The following ZZEF1 variants were observed in gnomAD, a reference collection of about 807,000 sequenced individuals.
ZZEF1 encodes zinc finger ZZ-type and EF-hand domain containing 1.
ZZEF1 carries 157 observed loss-of-function variants against 342.8 expected under a neutral mutation model. The ratio of observed to expected loss-of-function variants is 0.46; its 90% CI spans 0.40 to 0.52. The LOEUF is 0.52. ZZEF1 is among the 20% of genes least tolerant of loss of function. The pLI is 0.00. For missense variants in ZZEF1, 3,480 were observed against 3,725.6 expected (o/e 0.93, Z 1.72); for synonymous variants, 1,505 against 1,429.1 (o/e 1.05, Z -1.20).
intron 12 of ZZEF1, 139 bp downstream of exon 12, chr17:4,090,580 C>G: frequency 1.5e-6 from 1 of 665,106 alleles, no homozygotes; most frequent in East Asian, 2.7e-5. Flanking sequence ...ACACATCTGT[C>G]TCTCCCACAG....
At chr17:4,019,622 A>T in intron 46 of ZZEF1, 47 bp downstream of exon 46, 1 of 1,558,792 alleles carries the variant, frequency 6.4e-7, no homozygotes, top group Non-Finnish European at 8.8e-7. Flanking sequence ...CCGCCCTCAC[A>T]TATTCTCTCC....
chr17:4,084,822 T>G (rs1269980185), intron 16 of ZZEF1, among the ~76,000 whole-genome samples: 1 of 152,162 alleles, frequency 6.6e-6, no homozygotes, highest in Non-Finnish European at 1.5e-5. Flanking sequence ...GAATAAAACT[T>G]GGTGATACTG....
chr17:4,023,232 C>A (rs184362908), intron 43 of ZZEF1, among the ~76,000 whole-genome samples: 1 of 152,168 alleles, frequency 6.6e-6, no homozygotes, highest in East Asian at 1.9e-4. Flanking sequence ...CCTTATCTAT[C>A]GGTTCAAATT....
intron 1 of ZZEF1, among the ~76,000 whole-genome samples, chr17:4,126,438 A>G (rs1004370434): frequency 1.3e-5 from 2 of 152,130 alleles, no homozygotes; most frequent in African/African-American, 2.4e-5. Flanking sequence ...TGTTTTAAGC[A>G]CACAGACAAA....
chr17:4,071,019 C>CA lies in ZZEF1; in HGVS notation c.3835-96dup, dbSNP rs2057498766. 2.2e-6 allele frequency: 3 copies of CA among 1,381,978 alleles called. No individual in the cohort carries two copies. In the African/African-American group the frequency reaches 4.4e-5, roughly 20 times the overall value. The allele number at this position is 1,381,978 out of a possible 1,614,324, so 85.6% of individuals were successfully genotyped here. On this transcript the variant is annotated intron_variant, in intron 25 of 54. Transcript: ENST00000381638. ...ATTAGGCCAAAGCAGAAGTATAAAA[C>CA]ACAGTGAACACTCTCCGGAAGTTTA... is the stretch of plus-strand genomic sequence containing the variant.
rs1160106569 is a variant in ZZEF1, at chr17:4,014,416, T to G, written c.8245A>C (p.Ser2749Arg). The G allele has an allele frequency of 6.2e-7, 1 of 1,614,260 alleles. No homozygotes were observed. Among genetic ancestry groups the G allele is most frequent in the Admixed American group, 1.7e-5 (1 of 60,028 alleles). The part of the protein sequence containing the change: ...GCDELAMSSS[S>R]DFQQDRHSFS... Reference sequence around the variant, plus strand: ...CTGTGTCGGTCTTGCTGGAAGTCACTGCTGCTGGACATGGCTAACTCGTCA... The same window carrying G: ...CTGTGTCGGTCTTGCTGGAAGTCACGGCTGCTGGACATGGCTAACTCGTCA... Residue 2749 changes from serine (S) to arginine (R), a missense_variant, in exon 50 of 55, where the codon AGT (serine) becomes CGT (arginine). By Grantham distance (110) the Ser-to-Arg change is moderately radical (BLOSUM62 -1). Around this residue, in one of 5 missense-constraint regions of ZZEF1, gnomAD observed 1,269 missense variants for 1,342.4 expected, o/e 0.95. Transcript: ENST00000381638. The surrounding 1 kb of genome is among the most constrained non-coding windows in gnomAD (Gnocchi z 4.4).
chr17:4,013,995 T>G (rs2056034659), intron 51 of ZZEF1, 95 bp downstream of exon 51: 2 of 1,219,948 alleles, frequency 1.6e-6, no homozygotes, highest in Admixed American at 2.0e-5. Context: ...AGTACCTGCT[T>G]TGATTTTAAC....
intron 3 of ZZEF1, among the ~76,000 whole-genome samples, chr17:4,115,534 G>T (rs533127627): frequency 6.6e-6 from 1 of 152,026 alleles, no homozygotes; most frequent in East Asian, 1.9e-4. Flanking sequence ...ACGGTGGCAC[G>T]TGCCTGTAAT....
At position 4,104,851 on chromosome 17, in the gene ZZEF1, A is replaced by G. The variant is rs1229375505; in HGVS notation, c.1395-40T>C. 5.7e-6 allele frequency: 9 copies of G among 1,588,026 alleles called. No homozygotes were observed. In the African/African-American group the frequency reaches 1.1e-4, roughly 19 times the overall value. On this transcript the variant is annotated intron_variant, in intron 7 of 54. Transcript: ENST00000381638. Reference sequence around the variant, plus strand: ...CAAAAACTTTTCACTTCTTAAAAACATGAAAAAATCCAGGTAGCTCAAACC... The same window carrying G: ...CAAAAACTTTTCACTTCTTAAAAACGTGAAAAAATCCAGGTAGCTCAAACC...
Position 4,105,716 on chromosome 17 carries a change from G to A in ZZEF1, c.1371C>T (p.Asp457=), listed in dbSNP as rs2058200228. ...ACCTAGTTATCCTTATGAGGAAACT[G>A]TCCACTTCTTCCAGCACATTAGGGG... The part of the protein sequence containing the change: ...FLSPNVLEEV[D]SFLIRITSCC... Residue 457 remains aspartate (D), a synonymous_variant, in exon 7 of 55, where the codon GAC becomes GAT. Coordinates refer to ENST00000381638, the MANE Select transcript of ZZEF1 (RefSeq NM_015113.4). 6.2e-7 allele frequency: 1 copy of A among 1,613,012 alleles called. No individual in the cohort carries two copies. The highest frequency in any genetic ancestry group is 8.5e-7 in the Non-Finnish European group (1 of 1,179,522).
At chr17:4,087,783 A>ACACAC in intron 13 of ZZEF1, among the ~76,000 whole-genome samples, 1 of 146,086 alleles carries the variant, frequency 6.8e-6, no homozygotes, top group East Asian at 2.0e-4. Flanking sequence ...ATATACACAC[A>ACACAC]ACACACACAC....
In ZZEF1 at chr17:4,112,264, GC is replaced by G. The variant is rs1394508155; in HGVS notation, c.1066+344del. ...GGGTTCAAGTGATTCTTCTGCCTTAGCCCCCCAAGTGGCTGGGATTACAGGT... is the reference window on the plus strand; with the variant it reads ...GGGTTCAAGTGATTCTTCTGCCTTAGCCCCCAAGTGGCTGGGATTACAGGT... On this transcript the variant is annotated intron_variant, in intron 5 of 54. Transcript: ENST00000381638. Among the ~76,000 whole-genome samples the G allele has an allele frequency of 4.6e-5, 7 of 150,610 alleles. No individual in the cohort carries two copies. In the South Asian group the frequency reaches 6.3e-4, roughly 14 times the overall value.
intron 2 of ZZEF1, 69 bp downstream of exon 2, chr17:4,123,838 C>A: frequency 6.5e-7 from 1 of 1,543,228 alleles, no homozygotes; most frequent in Admixed American, 2.0e-5. Context: ...CACAATTTTG[C>A]CTAATTTCAA....
intron 46 of ZZEF1, 116 bp downstream of exon 46, chr17:4,019,553 T>A (rs969101279): frequency 2.2e-6 from 2 of 905,714 alleles, no homozygotes; most frequent in Non-Finnish European, 3.4e-6. Flanking sequence ...AGCAACTGCT[T>A]CCCGGCCTGT....
At chr17:4,056,149 C>A (rs1295739530) in intron 33 of ZZEF1, 67 bp downstream of exon 33, 31 of 1,419,902 alleles carry the variant, frequency 2.2e-5, no homozygotes, top group Admixed American at 1.5e-4. Flanking sequence ...CAGAACCCCC[C>A]CAGGCAAACT....
In ZZEF1 at chr17:4,056,326, C is replaced by A; in HGVS notation, c.5185G>T (p.Glu1729Ter). The change falls in exon 33 of 55, where the codon GAG (glutamate) becomes TAG (stop). Residue 1729 changes from glutamate (E) to a stop codon, truncating the protein, a stop_gained. Transcript: ENST00000381638. LOFTEE classifies it high-confidence loss of function. ...SVISQWSEEDELADAKQNSEW... is the reference protein window; with the variant it reads ...SVISQWSEED Reference sequence around the variant, plus strand: ...GAATTCTGCTTGGCATCAGCAAGCTCATCTTCTTCACTCCATTGGCTGAAA... The same window carrying A: ...GAATTCTGCTTGGCATCAGCAAGCTAATCTTCTTCACTCCATTGGCTGAAA... The A allele has an allele frequency of 6.3e-7, 1 of 1,597,450 alleles. No homozygotes were observed. Among genetic ancestry groups the A allele is most frequent in the Admixed American group, 1.7e-5 (1 of 57,626 alleles).
At chr17:4,046,268 T>G (rs545830333) in intron 37 of ZZEF1, among the ~76,000 whole-genome samples, 1 of 152,338 alleles carries the variant, frequency 6.6e-6, no homozygotes, top group South Asian at 2.1e-4. Flanking sequence ...GCTGCCCAGA[T>G]GGGCAAGGTG....
At chr17:4,072,837 A>G (rs2057537360) in intron 24 of ZZEF1, 81 bp from the exon 25 acceptor site, 1 of 1,375,366 alleles carries the variant, frequency 7.3e-7, no homozygotes, top group Non-Finnish European at 9.9e-7. Flanking sequence ...AGAAAAGGTT[A>G]AAAAAAACCA....
intron 1 of ZZEF1, among the ~76,000 whole-genome samples, chr17:4,128,443 T>C (rs112117734): frequency 0.15 from 19,568 of 134,290 alleles, 1,355 homozygotes; most frequent in Middle Eastern, 0.18. Context: ...TTCAGAGAAA[T>C]ATTTTTCTAA....
Sources: allele counts gnomAD v4.1 joint callset (sites outside exome capture counted in the v4.1 genomes callset), GRCh38; gene constraint gnomAD v4.1.1; regional missense constraint gnomAD v4.1.1; non-coding constraint Gnocchi (gnomAD v3.1); transcripts MANE v1.5; gene names NCBI Gene and HGNC (gene_info 2026-07-23, HGNC 2026-07-21).